STAG2: variants seen among roughly 807,000 people sequenced by gnomAD.
STAG2 encodes the protein STAG2 cohesin complex component.
A neutral mutation model predicts 108.1 loss-of-function variants in STAG2; 14 were observed. That is an observed-to-expected ratio of 0.13 (90% CI 0.09 to 0.20). The LOEUF is 0.20. Ranked by LOEUF, STAG2 falls within the 10% of genes least tolerant of loss-of-function variation. The pLI is 1.00. For missense variants in STAG2, 440 were observed against 940.9 expected (o/e 0.47, Z 6.96); for synonymous variants, 307 against 302.7 (o/e 1.01, Z -0.15).
chrX:124,049,166 T>C (rs1211824430), intron 10 of STAG2, 88 bp downstream of exon 10: 1 of 707,400 alleles, frequency 1.4e-6, no homozygotes, highest in African/African-American at 2.2e-5. Context: ...GAATCTAAAT[T>C]AGCAGGAAGA....
intron 1 of STAG2, among the ~76,000 whole-genome samples, chrX:123,967,517 C>T (rs1046881099): frequency 3.6e-5 from 4 of 111,260 alleles, no homozygotes; most frequent in Non-Finnish European, 3.8e-5. Flanking sequence ...CTGCCTGCCT[C>T]GGCCTTCCAA....
chrX:124,096,928 C>G (rs975548865), intron 34 of STAG2, among the ~76,000 whole-genome samples: 1 of 112,221 alleles, frequency 8.9e-6, no homozygotes, highest in Non-Finnish European at 1.9e-5. Context: ...CCTGTAATCC[C>G]AATACTTTGG....
chrX:123,985,490 C>T (rs761411884), intron 1 of STAG2, among the ~76,000 whole-genome samples: 3 of 111,794 alleles, frequency 2.7e-5, no homozygotes, highest in South Asian at 3.7e-4. Context: ...AATGATTCCA[C>T]GATAGTTTTA....
At chrX:124,040,750 G>A (rs1471793863) in intron 6 of STAG2, among the ~76,000 whole-genome samples, 1 of 108,819 alleles carries the variant, frequency 9.2e-6, no homozygotes, top group Non-Finnish European at 1.9e-5. Flanking sequence ...ACAGCACCTG[G>A]GTATGAAGTA....
At chrX:124,035,735 A>T (rs778822753) in intron 5 of STAG2, among the ~76,000 whole-genome samples, 1 of 105,333 alleles carries the variant, frequency 9.5e-6, no homozygotes, top group East Asian at 3.3e-4. Flanking sequence ...TGTTAGCTGC[A>T]TAACTACAAA....
chrX:124,018,853 T>C (rs1348720469), intron 1 of STAG2, among the ~76,000 whole-genome samples: 2 of 103,536 alleles, frequency 1.9e-5, no homozygotes, highest in Non-Finnish European at 3.9e-5. Flanking sequence ...GATGTAAACA[T>C]TCTCAGCTCT....
intron 34 of STAG2, among the ~76,000 whole-genome samples, chrX:124,097,903 G>T (rs190093292): frequency 1.8e-5 from 2 of 110,141 alleles, no homozygotes; most frequent in South Asian, 7.6e-4. Flanking sequence ...TTAAGAAATC[G>T]AAATGGTTAA....
intron 8 of STAG2, 54 bp downstream of exon 8, chrX:124,045,422 A>AT: frequency 1.9e-6 from 2 of 1,026,634 alleles, no homozygotes; most frequent in Non-Finnish European, 2.7e-6. Context: ...GATGAAAAAG[A>AT]TTCTCATTTA....
chrX:123,981,238 C>A (rs2054859923), intron 1 of STAG2, among the ~76,000 whole-genome samples: 1 of 110,927 alleles, frequency 9.0e-6, no homozygotes, highest in South Asian at 3.8e-4. Context: ...TGTCACCATT[C>A]ATACCCAGAA....
intron 1 of STAG2, among the ~76,000 whole-genome samples, chrX:124,013,307 GCA>G (rs906512157): frequency 1.3e-4 from 13 of 97,779 alleles, no homozygotes; most frequent in South Asian, 1.1e-3. Context: ...GTATACACAT[GCA>G]CACACACACA....
chrX:124,004,425 T>C lies in STAG2; in HGVS notation c.-162-16942T>C, dbSNP rs138551154. Among the ~76,000 whole-genome samples, 674 of 112,337 alleles carry C rather than the reference T, an allele frequency of 6.0e-3. 5 individuals are homozygous for C. The highest frequency in any genetic ancestry group is 0.02 in the African/African-American group (623 of 30,948). The stretch of plus-strand genomic sequence containing the variant: ...ATTTGACTCCTAGGTACCTCACATA[T>C]ATATTCCTATTTAGTGGAATTGTAG... On this transcript the variant is annotated intron_variant, in intron 1 of 34. Coordinates refer to ENST00000371145, the MANE Select transcript of STAG2 (RefSeq NM_001042750.2).
In STAG2 at chrX:124,045,386, T is replaced by C. The variant is rs767582299; in HGVS notation, c.667+18T>C. The C allele has an allele frequency of 6.9e-6, 8 of 1,151,569 alleles. No individual in the cohort carries two copies. The Admixed American group carries it at 1.8e-4, about 26-fold the overall frequency. 94.9% of individuals were successfully genotyped at this position (1,151,569 alleles called of 1,213,427 possible). On this transcript the variant is annotated intron_variant, in intron 8 of 34. Coordinates refer to ENST00000371145, the MANE Select transcript of STAG2 (RefSeq NM_001042750.2). ...CCTGGCAGGTCGGTATTTAGAAATATTTTCTGCATATTGTCTTAGATTTGA... is the reference window on the plus strand; with the variant it reads ...CCTGGCAGGTCGGTATTTAGAAATACTTTCTGCATATTGTCTTAGATTTGA...
intron 30 of STAG2, among the ~76,000 whole-genome samples, chrX:124,090,114 T>C (rs142533824): frequency 0.017 from 1,549 of 91,201 alleles, 13 homozygotes; most frequent in Middle Eastern, 0.047. Flanking sequence ...TGAGCTGAGA[T>C]TGCGCCACTA....
intron 1 of STAG2, among the ~76,000 whole-genome samples, chrX:123,994,430 C>CCATA (rs2055630374): frequency 9.0e-6 from 1 of 111,642 alleles, no homozygotes; most frequent in Non-Finnish European, 1.9e-5. Flanking sequence ...GACAAACAAA[C>CCATA]CATATCTAAC....
intron 30 of STAG2, among the ~76,000 whole-genome samples, chrX:124,088,165 A>G (rs1313358008): frequency 9.0e-6 from 1 of 111,149 alleles, no homozygotes; most frequent in African/African-American, 3.3e-5. Flanking sequence ...GTGCTGGGCC[A>G]TCAAATCTCT....
chrX:123,976,370 TTGAA>T (rs1438593771), intron 1 of STAG2, among the ~76,000 whole-genome samples: 1 of 112,302 alleles, frequency 8.9e-6, no homozygotes, highest in Non-Finnish European at 1.9e-5. Flanking sequence ...TATATAGTAT[TTGAA>T]TGTACAATAT....
At position 124,056,149 on chromosome X, in the gene STAG2, T is replaced by C. The variant is rs200552026; in HGVS notation, c.1218T>C (p.Thr406=). 61 of 1,203,736 alleles carry C rather than the reference T, an allele frequency of 5.1e-5. No homozygotes were observed. The highest frequency in any genetic ancestry group is 6.3e-5 in the Non-Finnish European group (56 of 891,516). The change falls in exon 14 of 35, where the codon ACT becomes ACC. Residue 406 remains threonine (T), a synonymous_variant. Coordinates refer to ENST00000371145, the MANE Select transcript of STAG2 (RefSeq NM_001042750.2). ...LVLQSSEEVL[T]AEDCENVYHL... The stretch of plus-strand genomic sequence containing the variant: ...TTAGGAGTAGTGAAGAAGTTCTCAC[T>C]GCAGAAGATTGTGAAAATGTCTATC...
Position 124,095,810 on chromosome X carries a change from A to G in STAG2, c.3783+361A>G, listed in dbSNP as rs780501481. Among the ~76,000 whole-genome samples, 12 of 110,625 alleles carry G rather than the reference A, an allele frequency of 1.1e-4. No homozygotes were observed. In the South Asian group the frequency reaches 4.3e-3, roughly 40 times the overall value. Reference sequence around the variant, plus strand: ...TTTCCTTGACATTTATGGATGGGACAGGATGAATGAGGGGCGTCATATAAA... The same window carrying G: ...TTTCCTTGACATTTATGGATGGGACGGGATGAATGAGGGGCGTCATATAAA... On this transcript the variant is annotated intron_variant, in intron 34 of 34. Transcript: ENST00000371145.
intron 4 of STAG2, 27 bp downstream of exon 4, chrX:124,025,945 T>G (rs377037207): frequency 1.2e-5 from 12 of 1,042,095 alleles, no homozygotes; most frequent in Non-Finnish European, 1.6e-5. Context: ...TGACTTTATT[T>G]TGTTTCCTAA....
Sources: gnomAD v4.1 joint callset for allele counts (sites outside exome capture counted in the v4.1 genomes callset) on GRCh38, gnomAD v4.1.1 for gene constraint, MANE v1.5 for transcripts, NCBI Gene and HGNC (gene_info 2026-07-23, HGNC 2026-07-21) for gene names.